Variants in ADSL observed in about 807,000 individuals in gnomAD.
ADSL encodes the protein adenylosuccinate lyase.
In ADSL, 44 loss-of-function variants were observed where a neutral mutation model predicts 62.1. The observed-to-expected ratio is 0.71, with a 90% CI of 0.56 to 0.91. The LOEUF is 0.91. ADSL is among the 40% of genes least tolerant of loss of function. ADSL has a pLI of 0.00. For missense variants in ADSL, 531 were observed against 627.4 expected (o/e 0.85, Z 1.64); for synonymous variants, 198 against 220.5 (o/e 0.90, Z 0.90).
At position 40,353,129 on chromosome 22, in the gene ADSL, G is replaced by T; in HGVS notation, c.402+12G>T. The T allele has an allele frequency of 6.2e-7, 1 of 1,611,774 alleles. No individual in the cohort carries two copies. The highest frequency in any genetic ancestry group is 8.5e-7 in the Non-Finnish European group (1 of 1,177,878). On this transcript the variant is annotated intron_variant, in intron 3 of 12. Coordinates refer to ENST00000623063, the MANE Select transcript of ADSL (RefSeq NM_000026.4). The stretch of plus-strand genomic sequence containing the variant: ...TGCTTTTGCCAAAGGTAAGGAGTTG[G>T]CAGATGTTTCCTACCAACCCTAGAT...
rs1180410315 is a variant in ADSL at position 40,346,655 on chromosome 22, A to G, written c.97A>G (p.Arg33Gly). 1.2e-6 allele frequency: 2 copies of G among 1,613,160 alleles called. No individual in the cohort carries two copies. The highest frequency in any genetic ancestry group is 2.2e-5 in the South Asian group (2 of 90,920). Residue 33 changes from arginine (R) to glycine (G), a missense_variant, in exon 1 of 13, where the codon AGG becomes GGG. Arg to Gly is a moderately radical substitution (Grantham distance 125, BLOSUM62 -2). Coordinates refer to ENST00000623063, the MANE Select transcript of ADSL (RefSeq NM_000026.4). ...SPEMCFVFSD[R>G]YKFRTWRQLW... is the part of the protein sequence containing the mutation. ...GGAGATGTGCTTCGTGTTTAGCGAC[A>G]GGTATAAATTCCGGACATGGCGGCA...
At chr22:40,350,374 C>A (rs908877124) in intron 2 of ADSL, 3 of 262,328 alleles carry the variant, frequency 1.1e-5, no homozygotes, top group Admixed American at 1.0e-4. Flanking sequence ...GATCCACCCC[C>A]CTCAGCCTCC....
At position 40,361,513 on chromosome 22, in the gene ADSL, G is replaced by GAAT. The variant is rs1450082321; in HGVS notation, c.889_891dup (p.Asn297dup). On this transcript the variant is annotated inframe_insertion, in exon 9 of 13. Transcript: ENST00000623063. ...GCTCAAGTGCGATGCCATATAAGCG[G>GAAT]AATCCCATGCGTTCAGAACGTTGCT... The GAAT allele has an allele frequency of 1.2e-5, 20 of 1,614,198 alleles. No homozygotes were observed. Among genetic ancestry groups the GAAT allele is most frequent in the Non-Finnish European group, 1.5e-5 (18 of 1,180,048 alleles).
At position 40,346,627 on chromosome 22, in the gene ADSL, C is replaced by T; in HGVS notation, c.69C>T (p.Ser23=). The T allele has an allele frequency of 6.2e-7, 1 of 1,611,390 alleles. No homozygotes were observed. The highest frequency in any genetic ancestry group is 1.1e-5 in the South Asian group (1 of 90,370). The change falls in exon 1 of 13, where the codon AGC becomes AGT. Residue 23 remains serine, a synonymous_variant. Transcript: ENST00000623063. ...YRSPLASRYA[S]PEMCFVFSDR... is the part of the protein sequence containing the mutation. ...CACCTCTTGCCTCCCGCTATGCCAG[C>T]CCGGAGATGTGCTTCGTGTTTAGCG... is the stretch of plus-strand genomic sequence containing the variant.
intron 4 of ADSL, among the ~76,000 whole-genome samples, chr22:40,355,287 C>T (rs1422556199): frequency 1.3e-5 from 2 of 152,042 alleles, no homozygotes; most frequent in African/African-American, 2.4e-5. Context: ...GGACTACAGG[C>T]GCCTACCACC....
At position 40,346,503 on chromosome 22, in the gene ADSL, T is replaced by A. The variant is rs1338979561; in HGVS notation, c.-56T>A. 2 of 1,551,734 alleles carry A rather than the reference T, an allele frequency of 1.3e-6. No homozygotes were observed. The highest frequency in any genetic ancestry group is 1.7e-6 in the Non-Finnish European group (2 of 1,151,524). Reference sequence around the variant, plus strand: ...GCCCCGTCCTGCCCTGGCCTCCAGGTTTCCGCTTCCGCTCTTCCCTGGTCC... The same window carrying A: ...GCCCCGTCCTGCCCTGGCCTCCAGGATTCCGCTTCCGCTCTTCCCTGGTCC... On this transcript the variant is annotated 5_prime_UTR_variant, in exon 1 of 13. Coordinates refer to ENST00000623063, the MANE Select transcript of ADSL (RefSeq NM_000026.4).
In ADSL at chr22:40,346,600, C is replaced by T. The variant is rs768010749; in HGVS notation, c.42C>T (p.Arg14=). Residue 14 remains arginine (R), a synonymous_variant, in exon 1 of 13, where the codon CGC becomes CGT. Transcript: ENST00000623063. Reference sequence around the variant, plus strand: ...ATCATGGTTCGCCCGACAGCTACCGCTCACCTCTTGCCTCCCGCTATGCCA... The same window carrying T: ...ATCATGGTTCGCCCGACAGCTACCGTTCACCTCTTGCCTCCCGCTATGCCA... The part of the protein sequence containing the change: ...GGDHGSPDSY[R]SPLASRYASP... 3.1e-6 allele frequency: 5 copies of T among 1,608,218 alleles called. No homozygotes were observed. The highest frequency in any genetic ancestry group is 1.3e-5 in the African/African-American group (1 of 74,864).
intron 3 of ADSL, 128 bp from the exon 4 acceptor site, chr22:40,354,120 A>T: frequency 1.1e-6 from 1 of 886,780 alleles, no homozygotes; most frequent in Non-Finnish European, 1.9e-6. Context: ...AGATGGAAGG[A>T]TATGGCTGCT....
intron 11 of ADSL, 26 bp from the exon 12 acceptor site, chr22:40,364,854 C>T (rs201944778): frequency 4.2e-5 from 68 of 1,613,344 alleles, no homozygotes; most frequent in Non-Finnish European, 5.3e-5. Context: ...TAGTAGGGAA[C>T]TGACAATACT....
intron 9 of ADSL, among the ~76,000 whole-genome samples, chr22:40,362,764 G>A (rs1303515721): frequency 6.6e-6 from 1 of 152,132 alleles, no homozygotes; most frequent in African/African-American, 2.4e-5. Context: ...GATCAACCAG[G>A]TGGACGTCTC....
At chr22:40,355,552 C>T (rs1268821820) in intron 4 of ADSL, among the ~76,000 whole-genome samples, 3 of 152,170 alleles carry the variant, frequency 2.0e-5, no homozygotes, top group Non-Finnish European at 2.9e-5. Context: ...ATCAGAACTT[C>T]GGTTCTTTTT....
chr22:40,362,940 T>C, intron 9 of ADSL, 41 bp from the exon 10 acceptor site: 1 of 1,554,206 alleles, frequency 6.4e-7, no homozygotes, highest in Non-Finnish European at 8.9e-7. Flanking sequence ...TCACTGAAAT[T>C]ATTTGTTTAA....
At chr22:40,363,872 A>G (rs2044891449) in intron 10 of ADSL, among the ~76,000 whole-genome samples, 1 of 151,958 alleles carries the variant, frequency 6.6e-6, no homozygotes, top group Admixed American at 6.6e-5. Context: ...AGGCCAGGAG[A>G]TCAAGACCAT....
Position 40,366,531 on chromosome 22 carries a change from G to A in ADSL, c.*9G>A. On this transcript the variant is annotated 3_prime_UTR_variant, in exon 13 of 13. Coordinates refer to ENST00000623063, the MANE Select transcript of ADSL (RefSeq NM_000026.4). The stretch of plus-strand genomic sequence containing the variant: ...CAGAATTATGTCTGTAGAGTTGGAA[G>A]AGAATTAAACGAAAATCATTGTTAA... 6.3e-7 allele frequency: 1 copy of A among 1,598,932 alleles called. No homozygotes were observed. Among genetic ancestry groups the A allele is most frequent in the Non-Finnish European group, 8.6e-7 (1 of 1,166,276 alleles).
intron 1 of ADSL, chr22:40,348,564 T>C (rs990742246): frequency 1.3e-5 from 5 of 398,438 alleles, no homozygotes; most frequent in Non-Finnish European, 2.2e-5. Flanking sequence ...TGTTGTTTTG[T>C]AGAGATGGGT....
chr22:40,348,315 C>CT, intron 1 of ADSL: 1 of 397,470 alleles, frequency 2.5e-6, no homozygotes, highest in Non-Finnish European at 4.4e-6. Flanking sequence ...CCAGGCAGTT[C>CT]TGCCACATGT....
chr22:40,378,601 C>T (rs930408191), intron 2 of ADSL, among the ~76,000 whole-genome samples: 3 of 151,676 alleles, frequency 2.0e-5, no homozygotes, highest in East Asian at 1.9e-4. Flanking sequence ...GGTGTGGTGG[C>T]GCATGCCTGT....
intron 3 of ADSL, 107 bp downstream of exon 3, chr22:40,353,224 AT>A: frequency 2.3e-6 from 2 of 873,072 alleles, no homozygotes; most frequent in Non-Finnish European, 3.9e-6. Context: ...ATAGACTATC[AT>A]TTTTTCAGGT....
intron 6 of ADSL, 62 bp downstream of exon 6, chr22:40,359,368 A>G (rs2044681675): frequency 6.5e-7 from 1 of 1,535,240 alleles, no homozygotes; most frequent in Admixed American, 1.7e-5. Context: ...TATTCAGTAT[A>G]CCTGCAGATT....
Sources: gnomAD v4.1 joint callset for allele counts (sites outside exome capture counted in the v4.1 genomes callset) on GRCh38, gnomAD v4.1.1 for gene constraint, MANE v1.5 for transcripts, NCBI Gene and HGNC (gene_info 2026-07-23, HGNC 2026-07-21) for gene names.